REPS1: variants seen among roughly 807,000 people sequenced by gnomAD.
REPS1 encodes the protein ralBP1-associated Eps domain-containing protein 1.
A neutral mutation model predicts 100.9 loss-of-function variants in REPS1; 39 were observed. The observed-to-expected ratio is 0.39, with a 90% CI of 0.30 to 0.50. The LOEUF is 0.50. Among genes scored for constraint, REPS1 ranks in the 20% least tolerant of loss-of-function variants. The pLI, the probability that REPS1 is intolerant of heterozygous loss-of-function variation, is 0.86. For missense variants in REPS1, 821 were observed against 968.5 expected, an observed-to-expected ratio of 0.85 and a Z score of 2.02; for synonymous variants, 324 against 340.3, an observed-to-expected ratio of 0.95 and a Z score of 0.53.
intron 5 of REPS1, 106 bp downstream of exon 5, chr6:138,944,392 G>A: frequency 1.6e-6 from 2 of 1,276,798 alleles, no homozygotes; most frequent in South Asian, 1.5e-5. Context: ...AAATAAATGA[G>A]TGGATTTGCA....
In REPS1 at chr6:138,921,070, T is replaced by C. The variant is rs747768925; in HGVS notation, c.1393A>G (p.Met465Val). 2.5e-6 allele frequency: 4 copies of C among 1,613,158 alleles called. No homozygotes were observed. The highest frequency in any genetic ancestry group is 2.2e-5 in the South Asian group (2 of 90,882). ...GTTCTTTTAAGTTCCATTTCCTGCA[T>C]GTGGATTTTGCTTGGAGTCATACGA... ...PIRMTPSKIH[M>V]QEMELKRTGS... Residue 465 changes from methionine to valine, a missense_variant, in exon 11 of 20, where the codon ATG (methionine) becomes GTG (valine). Around this residue, in one of 3 missense-constraint regions of REPS1, gnomAD observed 757 missense variants for 866.4 expected, o/e 0.87. Coordinates refer to ENST00000450536, the MANE Select transcript of REPS1 (RefSeq NM_001286611.2).
At chr6:138,915,794 G>T in intron 14 of REPS1, 64 bp downstream of exon 14, 1 of 1,145,708 alleles carries the variant, frequency 8.7e-7, no homozygotes, top group Non-Finnish European at 1.3e-6. Context: ...AATAAAATGT[G>T]TATGTGTGTT....
chr6:138,923,643 A>G (rs1194131242), intron 10 of REPS1, among the ~76,000 whole-genome samples: 2 of 152,190 alleles, frequency 1.3e-5, no homozygotes, highest in Non-Finnish European at 2.9e-5. Context: ...CTAACTGACA[A>G]GCAGTTCAAG....
chr6:138,978,365 TCTGACCTCTGCCTCC>T (rs139230898), intron 1 of REPS1, among the ~76,000 whole-genome samples: 4,102 of 151,776 alleles, frequency 0.027, 162 homozygotes, highest in African/African-American at 0.09. Context: ...CTCGGGTCTC[TCTGACCTCTGCCTCC>T]CTGACCTCTG....
intron 12 of REPS1, among the ~76,000 whole-genome samples, chr6:138,919,669 T>C (rs1435345368): frequency 2.0e-5 from 3 of 152,234 alleles, no homozygotes; most frequent in African/African-American, 7.2e-5. Flanking sequence ...ATTCATCTCC[T>C]TCAAGTTTTC....
intron 1 of REPS1, 143 bp downstream of exon 1, chr6:138,987,387 G>T: frequency 2.3e-6 from 2 of 864,766 alleles, no homozygotes; most frequent in Non-Finnish European, 3.4e-6. Context: ...GGCCTCCCGG[G>T]CACCTGCGGC....
rs148947565 is a variant in REPS1 at position 138,956,857 on chromosome 6, T to C, written c.154-8944A>G. 1.2e-3 allele frequency among the ~76,000 whole-genome samples: 177 copies of C among 151,254 alleles called. 1 individual carries two copies. The highest frequency in any genetic ancestry group is 4.1e-3 in the African/African-American group (170 of 41,250). On this transcript the variant is annotated intron_variant, in intron 1 of 19. Coordinates refer to ENST00000450536, the MANE Select transcript of REPS1 (RefSeq NM_001286611.2). ...GGAAAGAATCTTAAAAATACTCTAG[T>C]GCCTGTTCTGATAGATTTTAGAAAA...
chr6:138,952,640 T>G (rs1283181850), intron 1 of REPS1, among the ~76,000 whole-genome samples: 2 of 151,942 alleles, frequency 1.3e-5, no homozygotes, highest in African/African-American at 2.4e-5. Flanking sequence ...CCTCAAGTGA[T>G]CCGCCTGCCT....
chr6:138,943,201 G>A (rs1308356004), intron 7 of REPS1, among the ~76,000 whole-genome samples: 1 of 152,110 alleles, frequency 6.6e-6, no homozygotes, highest in Admixed American at 6.5e-5. Flanking sequence ...TACTAAACTT[G>A]ATAAAAAACC....
At chr6:138,908,538 G>T in intron 18 of REPS1, 130 bp downstream of exon 18, 1 of 921,026 alleles carries the variant, frequency 1.1e-6, no homozygotes, top group African/African-American at 1.7e-5. Context: ...CAAATGATCT[G>T]CCCAGCTCAG....
At chr6:138,973,710 T>C (rs1276911812) in intron 1 of REPS1, among the ~76,000 whole-genome samples, 2 of 151,942 alleles carry the variant, frequency 1.3e-5, no homozygotes, top group African/African-American at 4.8e-5. Flanking sequence ...CTCTGTGTCA[T>C]TTTAAAAATA....
intron 1 of REPS1, among the ~76,000 whole-genome samples, chr6:138,986,295 A>G (rs9484219): frequency 0.028 from 4,243 of 152,310 alleles, 216 homozygotes; most frequent in African/African-American, 0.096. Context: ...TCCCACCTTT[A>G]AAAAAGCAAT....
At chr6:138,935,856 C>CA (rs1781779738) in intron 8 of REPS1, among the ~76,000 whole-genome samples, 1 of 2,196 alleles carries the variant, frequency 4.6e-4, no homozygotes, top group Non-Finnish European at 1.8e-3. Context: ...TCCATCTTGG[C>CA]GGGGGGGGGG....
At chr6:138,909,633 T>C (rs1456826092) in intron 17 of REPS1, among the ~76,000 whole-genome samples, 2 of 151,614 alleles carry the variant, frequency 1.3e-5, no homozygotes, top group Non-Finnish European at 2.9e-5. Flanking sequence ...TGGTCCCCCA[T>C]GCTGTTCTTA....
chr6:138,941,980 G>A (rs1187458007), intron 7 of REPS1, among the ~76,000 whole-genome samples: 1 of 152,180 alleles, frequency 6.6e-6, no homozygotes, highest in Non-Finnish European at 1.5e-5. Flanking sequence ...CTGGGTTCAA[G>A]TGATTCCCTT....
rs563403063 is a variant in REPS1, at chr6:138,923,139, TATA to T, written c.1339-2018_1339-2016del. Among the ~76,000 whole-genome samples the T allele has an allele frequency of 2.0e-5, 3 of 152,316 alleles. No individual in the cohort carries two copies. In the South Asian group the frequency reaches 6.2e-4, roughly 32 times the overall value. On this transcript the variant is annotated intron_variant, in intron 10 of 19. Transcript: ENST00000450536. ...GATGGATGAAAGTTTAGATTTGTCT[TATA>T]ATAATAAGTCATTCTCAGGAAAGTA...
chr6:138,933,760 A>T (rs1363305138), intron 8 of REPS1, among the ~76,000 whole-genome samples: 1 of 152,194 alleles, frequency 6.6e-6, no homozygotes, highest in East Asian at 1.9e-4. Context: ...TGGATTTGTT[A>T]TTGCTTTTTT....
intron 6 of REPS1, 112 bp downstream of exon 6, chr6:138,943,741 C>A: frequency 9.3e-7 from 1 of 1,074,384 alleles, no homozygotes; most frequent in Non-Finnish European, 1.3e-6. Context: ...GACAAATAAT[C>A]TGATAATTAT....
At chr6:138,932,873 A>G (rs898905629) in intron 8 of REPS1, among the ~76,000 whole-genome samples, 20 of 152,368 alleles carry the variant, frequency 1.3e-4, no homozygotes, top group Admixed American at 6.5e-4. Context: ...GAAGGTTTCA[A>G]GGGAAAACTC....
Sources: gnomAD v4.1 joint callset for allele counts (sites outside exome capture counted in the v4.1 genomes callset) on GRCh38, gnomAD v4.1.1 for gene constraint, gnomAD v4.1.1 regional missense constraint, MANE v1.5 for transcripts, NCBI Gene and HGNC (gene_info 2026-07-23, HGNC 2026-07-21) for gene names.